The following ZNF420 variants were observed in gnomAD, a reference collection of about 807,000 sequenced individuals.
The protein encoded by ZNF420 is zinc finger protein 420, also known as ATM and p53-associated KZNF protein.
A neutral mutation model predicts 44.7 loss-of-function variants in ZNF420; 31 were observed. That is an observed-to-expected ratio of 0.69 (90% CI 0.52 to 0.94). The LOEUF is 0.94. ZNF420 is among the 40% of genes least tolerant of loss of function. ZNF420 has a pLI of 0.00. For missense variants in ZNF420, 681 were observed against 827.9 expected (o/e 0.82, Z 2.18); for synonymous variants, 245 against 267.4 (o/e 0.92, Z 0.82).
intron 4 of ZNF420, among the ~76,000 whole-genome samples, chr19:37,114,292 T>C (rs1009681397): frequency 1.3e-5 from 2 of 152,152 alleles, no homozygotes; most frequent in East Asian, 3.8e-4. Flanking sequence ...CTGTCCATAC[T>C]GATTTTCTGG....
chr19:37,088,986 A>G (rs1968982562), intron 2 of ZNF420, 53 bp from the exon 3 acceptor site: 3 of 795,926 alleles, frequency 3.8e-6, no homozygotes, highest in Non-Finnish European at 6.7e-6. Flanking sequence ...CAACTGAATC[A>G]TTTGTTACTT....
Position 37,128,394 on chromosome 19 carries a change from T to C in ZNF420, c.1403T>C (p.Ile468Thr), listed in dbSNP as rs1971481354. The C allele has an allele frequency of 2.5e-6, 4 of 1,613,962 alleles. No individual in the cohort carries two copies. In the South Asian group the frequency reaches 4.4e-5, roughly 18 times the overall value. ...TCAGAACTTACTCAACATGAGCGAA[T>C]TCACACAGGTGAGAAACCCTATGAA... is the stretch of plus-strand genomic sequence containing the variant. ...RGSELTQHER[I>T]HTGEKPYECK... is the part of the protein sequence containing the mutation. The change falls in exon 5 of 5, where the codon ATT (isoleucine) becomes ACT (threonine). Residue 468 changes from isoleucine to threonine, a missense_variant. Physicochemically the swap from Ile to Thr is moderately conservative, Grantham distance 89. This residue lies in a region of ZNF420 where 280 missense variants were observed against 338.6 expected (regional missense o/e 0.83). Coordinates refer to ENST00000337995, the MANE Select transcript of ZNF420 (RefSeq NM_144689.5).
chr19:37,022,863 C>T (rs979344732), intron 1 of ZNF420, among the ~76,000 whole-genome samples: 5 of 152,084 alleles, frequency 3.3e-5, no homozygotes, highest in Non-Finnish European at 7.4e-5. Context: ...TGGGGGCAGG[C>T]GCGGTGGCTC....
At chr19:37,014,800 A>G (rs1363530303) in intron 1 of ZNF420, among the ~76,000 whole-genome samples, 2 of 152,174 alleles carry the variant, frequency 1.3e-5, no homozygotes, top group Non-Finnish European at 2.9e-5. Flanking sequence ...GGCAGTGTGT[A>G]GAGTTGGGCT....
chr19:37,104,608 TA>T (rs1376046376), intron 4 of ZNF420, among the ~76,000 whole-genome samples: 1 of 152,232 alleles, frequency 6.6e-6, no homozygotes, highest in Non-Finnish European at 1.5e-5. Context: ...ACCAACAGTG[TA>T]AAAGTGTTCC....
At chr19:37,008,440 G>A (rs1279227797) in intron 1 of ZNF420, among the ~76,000 whole-genome samples, 1 of 152,100 alleles carries the variant, frequency 6.6e-6, no homozygotes, top group African/African-American at 2.4e-5. Context: ...GAGATGCTTC[G>A]GACCCAGAGG....
chr19:37,127,098 T>C (rs1468361217), intron 4 of ZNF420, 30 bp from the exon 5 acceptor site: 1 of 1,448,676 alleles, frequency 6.9e-7, no homozygotes, highest in South Asian at 1.7e-5. Flanking sequence ...GTTATATTTC[T>C]CAATTTTTTT....
At chr19:37,098,837 C>G (rs1969603441) in intron 4 of ZNF420, among the ~76,000 whole-genome samples, 1 of 152,144 alleles carries the variant, frequency 6.6e-6, no homozygotes, top group Admixed American at 6.5e-5. Flanking sequence ...CCAATCTCTT[C>G]CCAGCCACCC....
At chr19:37,097,649 T>A (rs758962028) in intron 4 of ZNF420, among the ~76,000 whole-genome samples, 6 of 152,174 alleles carry the variant, frequency 3.9e-5, no homozygotes, top group Non-Finnish European at 8.8e-5. Flanking sequence ...ATATTAAAAA[T>A]TTTTTTGCAT....
intron 4 of ZNF420, among the ~76,000 whole-genome samples, chr19:37,116,106 T>C (rs563516232): frequency 1.3e-5 from 2 of 152,298 alleles, no homozygotes; most frequent in East Asian, 3.9e-4. Context: ...GAGTCTCTTA[T>C]GTCTACTTCT....
At chr19:37,071,291 T>G (rs1968052961) in intron 1 of ZNF420, among the ~76,000 whole-genome samples, 1 of 152,154 alleles carries the variant, frequency 6.6e-6, no homozygotes, top group Non-Finnish European at 1.5e-5. Flanking sequence ...CTCAGGAACA[T>G]AATGTTGACA....
chr19:37,124,548 T>C (rs1024835943), intron 4 of ZNF420, among the ~76,000 whole-genome samples: 10 of 152,266 alleles, frequency 6.6e-5, no homozygotes, highest in Non-Finnish European at 1.0e-4. Context: ...TACAGTGTTT[T>C]GCACTCTCAG....
chr19:37,038,857 A>C (rs1312185983), intron 1 of ZNF420, among the ~76,000 whole-genome samples: 1 of 152,048 alleles, frequency 6.6e-6, no homozygotes, highest in Non-Finnish European at 1.5e-5. Context: ...ATGGCAGTGC[A>C]TGCCTATAAT....
At chr19:37,066,741 T>A (rs897746731) in intron 1 of ZNF420, among the ~76,000 whole-genome samples, 1 of 152,182 alleles carries the variant, frequency 6.6e-6, no homozygotes, top group African/African-American at 2.4e-5. Context: ...CAGTTTCTTA[T>A]AAAACTGAAC....
At chr19:37,112,355 A>G (rs1970426545) in intron 4 of ZNF420, among the ~76,000 whole-genome samples, 1 of 152,148 alleles carries the variant, frequency 6.6e-6, no homozygotes, top group African/African-American at 2.4e-5. Context: ...TCGACCCCAC[A>G]GATTAACGGG....
chr19:37,058,965 T>G (rs1393060704), intron 1 of ZNF420, among the ~76,000 whole-genome samples: 2 of 152,172 alleles, frequency 1.3e-5, no homozygotes, highest in Non-Finnish European at 2.9e-5. Context: ...GGTCAGCGAA[T>G]TTTCAGCTGA....
intron 1 of ZNF420, among the ~76,000 whole-genome samples, chr19:37,023,470 A>G (rs900632742): frequency 2.0e-5 from 3 of 151,656 alleles, no homozygotes; most frequent in Non-Finnish European, 4.4e-5. Flanking sequence ...GGTTCCAGGG[A>G]TTCTCTTGCC....
At chr19:37,012,213 C>A (rs1050840015) in intron 1 of ZNF420, among the ~76,000 whole-genome samples, 2 of 152,180 alleles carry the variant, frequency 1.3e-5, no homozygotes, top group African/African-American at 4.8e-5. Context: ...CCTCTCTCAA[C>A]GAAGCCCGCT....
At chr19:37,102,282 C>T (rs1291119094) in intron 4 of ZNF420, among the ~76,000 whole-genome samples, 4 of 152,172 alleles carry the variant, frequency 2.6e-5, no homozygotes, top group Admixed American at 1.3e-4. Flanking sequence ...GGTTGGTGAG[C>T]CCATCGTGAA....
Sources: allele counts gnomAD v4.1 joint callset (sites outside exome capture counted in the v4.1 genomes callset), GRCh38; gene constraint gnomAD v4.1.1; regional missense constraint gnomAD v4.1.1; transcripts MANE v1.5; gene names NCBI Gene and HGNC (gene_info 2026-07-23, HGNC 2026-07-21).